Variants in MBOAT1 observed in about 807,000 individuals in gnomAD.
MBOAT1 encodes membrane bound glycerophospholipid O-acyltransferase 1, also known as membrane-bound glycerophospholipid O-acyltransferase 1.
Under a neutral mutation model 64.4 loss-of-function variants are expected in MBOAT1, and 67 were observed. The ratio of observed to expected loss-of-function variants is 1.04; its 90% CI spans 0.85 to 1.27. The LOEUF (loss-of-function observed/expected upper bound fraction) is 1.27. Ranked by LOEUF, MBOAT1 falls within the 50% of genes most tolerant of loss-of-function variation. The probability of loss-of-function intolerance (pLI) is 0.00; values close to 1 mark genes in which losing one functional copy is unlikely to be tolerated. For missense variants in MBOAT1, 563 were observed against 604.6 expected (o/e 0.93, Z 0.72); for synonymous variants, 229 against 218.9 (o/e 1.05, Z -0.41).
intron 1 of MBOAT1, among the ~76,000 whole-genome samples, chr6:20,164,755 G>C (rs777845030): frequency 6.6e-6 from 1 of 152,152 alleles, no homozygotes; most frequent in Non-Finnish European, 1.5e-5. Context: ...GTGTATGTTA[G>C]AGTACAGACA....
intron 1 of MBOAT1, among the ~76,000 whole-genome samples, chr6:20,186,738 C>T (rs773004661): frequency 1.6e-4 from 25 of 152,172 alleles, no homozygotes; most frequent in Admixed American, 2.6e-4. Flanking sequence ...AAGACAACTA[C>T]GTGAGAGAGA....
intron 1 of MBOAT1, among the ~76,000 whole-genome samples, chr6:20,187,033 A>G (rs1762674472): frequency 6.6e-6 from 1 of 152,252 alleles, no homozygotes; most frequent in African/African-American, 2.4e-5. Context: ...TTATTCCTCT[A>G]AAACATCTTT....
chr6:20,156,144 G>A (rs772337385), intron 1 of MBOAT1, among the ~76,000 whole-genome samples: 2 of 151,782 alleles, frequency 1.3e-5, no homozygotes, highest in South Asian at 2.1e-4. Context: ...GGTGGTGGGC[G>A]CCTGTAGTCC....
intron 1 of MBOAT1, among the ~76,000 whole-genome samples, chr6:20,176,935 T>C (rs547906350): frequency 2.6e-5 from 4 of 152,288 alleles, no homozygotes; most frequent in Admixed American, 6.5e-5. Context: ...ACTATTCATT[T>C]TTATTCCATC....
chr6:20,209,496 C>A (rs879099760), intron 1 of MBOAT1, among the ~76,000 whole-genome samples: 1 of 152,100 alleles, frequency 6.6e-6, no homozygotes, highest in Admixed American at 6.6e-5. Context: ...AGAATGCTTA[C>A]CAGGTATTTC....
chr6:20,118,804 T>C (rs16883364), intron 8 of MBOAT1, among the ~76,000 whole-genome samples: 24,561 of 152,080 alleles, frequency 0.16, 2,366 homozygotes, highest in East Asian at 0.41. Context: ...TAGATGTCCA[T>C]AGAATGCAGA....
At chr6:20,134,178 C>G (rs1406905667) in intron 4 of MBOAT1, among the ~76,000 whole-genome samples, 1 of 152,170 alleles carries the variant, frequency 6.6e-6, no homozygotes, top group Non-Finnish European at 1.5e-5. Flanking sequence ...ATTTCCCTAG[C>G]AGGCATTTCA....
rs549463190 is a variant in MBOAT1, at chr6:20,166,081, A to G, written c.100-13312T>C. ...TTCCTCTTTAGCAGATGGAGCATACACTTTAATACTGTTTCCTATATTTAC... is the reference window on the plus strand; with the variant it reads ...TTCCTCTTTAGCAGATGGAGCATACGCTTTAATACTGTTTCCTATATTTAC... On this transcript the variant is annotated intron_variant, in intron 1 of 12. Transcript: ENST00000324607. 2.0e-5 allele frequency among the ~76,000 whole-genome samples: 3 copies of G among 152,214 alleles called. No homozygotes were observed. The Middle Eastern group carries it at 0.01, about 521-fold the overall frequency.
intron 4 of MBOAT1, among the ~76,000 whole-genome samples, chr6:20,141,359 C>CTTTTTTT (rs755615744): frequency 1.6e-4 from 16 of 99,824 alleles, no homozygotes; most frequent in African/African-American, 3.6e-4. Context: ...TTTTCTTTTT[C>CTTTTTTT]TTTTTTTTTT....
intron 1 of MBOAT1, among the ~76,000 whole-genome samples, chr6:20,160,870 T>G (rs1761833269): frequency 6.6e-6 from 1 of 152,238 alleles, no homozygotes; most frequent in Non-Finnish European, 1.5e-5. Context: ...AGGAAGTATT[T>G]TTAAATCTCT....
chr6:20,125,026 G>A (rs1036498624), intron 7 of MBOAT1, among the ~76,000 whole-genome samples: 1 of 152,218 alleles, frequency 6.6e-6, no homozygotes, highest in African/African-American at 2.4e-5. Flanking sequence ...GGAAGACAGA[G>A]GCTCAGGTAC....
chr6:20,131,076 A>T (rs1182493977), intron 5 of MBOAT1, 68 bp downstream of exon 5: 1 of 1,346,158 alleles, frequency 7.4e-7, no homozygotes, highest in Non-Finnish European at 1.1e-6. Flanking sequence ...CTGTGTACAT[A>T]GTATAAAAAG....
At chr6:20,141,349 T>G (rs1023879647) in intron 4 of MBOAT1, among the ~76,000 whole-genome samples, 2 of 112,072 alleles carry the variant, frequency 1.8e-5, no homozygotes, top group Non-Finnish European at 3.6e-5. Context: ...TTTCTTTTCT[T>G]TTTCTTTTTC....
chr6:20,175,416 A>G (rs371531321), intron 1 of MBOAT1, among the ~76,000 whole-genome samples: 174 of 151,230 alleles, frequency 1.2e-3, no homozygotes, highest in African/African-American at 4.1e-3. Context: ...GAGCCACTGA[A>G]CCCAATTTGT....
intron 4 of MBOAT1, among the ~76,000 whole-genome samples, chr6:20,136,750 G>A (rs905914452): frequency 2.6e-5 from 4 of 152,096 alleles, no homozygotes; most frequent in South Asian, 4.2e-4. Context: ...CTTTTAACAC[G>A]CATGCAAATA....
intron 1 of MBOAT1, among the ~76,000 whole-genome samples, chr6:20,184,090 T>TG (rs1001712524): frequency 2.8e-4 from 43 of 152,168 alleles, no homozygotes; most frequent in African/African-American, 9.7e-4. Flanking sequence ...TGAGATTTGG[T>TG]GGGGACACAG....
At position 20,212,188 on chromosome 6, in the gene MBOAT1, CCCG is replaced by C. The variant is rs572147520; in HGVS notation, c.44_46del (p.Thr15_Gly16delinsSer). 559 of 1,613,470 alleles carry C rather than the reference CCCG, an allele frequency of 3.5e-4. No homozygotes were observed. The highest frequency in any genetic ancestry group is 2.4e-3 in the Middle Eastern group (14 of 5,746). On this transcript the variant is annotated inframe_deletion, in exon 1 of 13. Coordinates refer to ENST00000324607, the MANE Select transcript of MBOAT1 (RefSeq NM_001080480.3). ...GCTGAGCGGGTGCAGGTAGGTGGAG[CCCG>C]TGGTGCGGTAGGAAAGGCTGGACGG...
chr6:20,150,712 C>T (rs1441796917), intron 3 of MBOAT1, among the ~76,000 whole-genome samples: 1 of 150,486 alleles, frequency 6.6e-6, no homozygotes, highest in Non-Finnish European at 1.5e-5. Context: ...TATAGGTGCG[C>T]ACCACTACGC....
rs1760316518 is a variant in MBOAT1, at chr6:20,116,295, G to A, written c.1012-943C>T. 2.6e-5 allele frequency among the ~76,000 whole-genome samples: 4 copies of A among 151,612 alleles called. No individual in the cohort carries two copies. The South Asian group carries it at 8.3e-4, about 32-fold the overall frequency. On this transcript the variant is annotated intron_variant, in intron 9 of 12. Coordinates refer to ENST00000324607, the MANE Select transcript of MBOAT1 (RefSeq NM_001080480.3). Reference sequence around the variant, plus strand: ...TGCAGTGAGCTGAGATCGCACCACTGCACTCCAGCCTGGGCAACATGGCAA... The same window carrying A: ...TGCAGTGAGCTGAGATCGCACCACTACACTCCAGCCTGGGCAACATGGCAA...
Sources: gnomAD v4.1 joint callset for allele counts (sites outside exome capture counted in the v4.1 genomes callset) on GRCh38, gnomAD v4.1.1 for gene constraint, MANE v1.5 for transcripts, NCBI Gene and HGNC (gene_info 2026-07-23, HGNC 2026-07-21) for gene names.